The following EXOC6B variants were observed in gnomAD, a reference collection of about 807,000 sequenced individuals.
EXOC6B encodes exocyst complex component 6B.
Under a neutral mutation model 113.5 loss-of-function variants are expected in EXOC6B, and 54 were observed. The ratio of observed to expected loss-of-function variants is 0.48; its 90% CI spans 0.38 to 0.60. EXOC6B has a LOEUF of 0.60. Ranked by LOEUF, EXOC6B falls within the 20% of genes least tolerant of loss-of-function variation. The probability of loss-of-function intolerance (pLI) is 0.00; values close to 1 mark genes in which losing one functional copy is unlikely to be tolerated. For missense variants in EXOC6B, 797 were observed against 977.5 expected, an observed-to-expected ratio of 0.82 and a Z score of 2.46; for synonymous variants, 357 against 339.0, an observed-to-expected ratio of 1.05 and a Z score of -0.58.
chr2:72,690,370 A>T (rs1383351434), intron 6 of EXOC6B, among the ~76,000 whole-genome samples: 1 of 152,238 alleles, frequency 6.6e-6, no homozygotes. Context: ...CTTACTTTCT[A>T]AGGTAAACTA....
At chr2:72,444,476 T>C (rs1461278598) in intron 18 of EXOC6B, among the ~76,000 whole-genome samples, 2 of 152,180 alleles carry the variant, frequency 1.3e-5, no homozygotes, top group African/African-American at 4.8e-5. Context: ...GGACTCTGTG[T>C]GGGGACTCCC....
chr2:72,517,386 G>A (rs935083692), intron 8 of EXOC6B, among the ~76,000 whole-genome samples: 3 of 152,194 alleles, frequency 2.0e-5, no homozygotes, highest in Middle Eastern at 3.4e-3. Context: ...GTTGAACCCT[G>A]GTGTAGCTTA....
intron 20 of EXOC6B, among the ~76,000 whole-genome samples, chr2:72,197,470 A>G (rs1679242717): frequency 6.6e-6 from 1 of 152,154 alleles, no homozygotes; most frequent in East Asian, 1.9e-4. Context: ...AGAGTACTGG[A>G]GTACTGACTC....
In EXOC6B at chr2:72,741,359, A is replaced by G. The variant is rs1558964897; in HGVS notation, c.224T>C (p.Phe75Ser). The G allele has an allele frequency of 6.2e-7, 1 of 1,613,684 alleles. No individual in the cohort carries two copies. Among genetic ancestry groups the G allele is most frequent in the Non-Finnish European group, 8.5e-7 (1 of 1,179,810 alleles). Residue 75 changes from phenylalanine (F) to serine (S), a missense_variant, in exon 2 of 22, where the codon TTT (phenylalanine) becomes TCT (serine). Transcript: ENST00000272427. Reference sequence around the variant, plus strand: ...CAGCAGTTCAGTTATAGAGTCCACAAAGCCCTGGTAATGAAAGTTGCACAT... The same window carrying G: ...CAGCAGTTCAGTTATAGAGTCCACAGAGCCCTGGTAATGAAAGTTGCACAT... ...EKMCNFHYQG[F>S]VDSITELLKV...
chr2:72,427,934 C>G (rs950429104), intron 18 of EXOC6B, among the ~76,000 whole-genome samples: 2 of 152,176 alleles, frequency 1.3e-5, no homozygotes, highest in Non-Finnish European at 2.9e-5. Context: ...GACAATGGGA[C>G]AACCAGCTGA....
chr2:72,723,269 G>T (rs1478125503), intron 5 of EXOC6B, among the ~76,000 whole-genome samples: 1 of 152,128 alleles, frequency 6.6e-6, no homozygotes, highest in Non-Finnish European at 1.5e-5. Flanking sequence ...TCTCATGCAG[G>T]CTCCTTAACA....
At chr2:72,529,187 G>T (rs1490387429) in intron 8 of EXOC6B, among the ~76,000 whole-genome samples, 1 of 152,080 alleles carries the variant, frequency 6.6e-6, no homozygotes, top group South Asian at 2.1e-4. Context: ...CGGGGTTTTG[G>T]CATGTTTTTT....
chr2:72,767,137 T>C (rs979689967), intron 1 of EXOC6B, among the ~76,000 whole-genome samples: 8 of 152,006 alleles, frequency 5.3e-5, no homozygotes, highest in Non-Finnish European at 1.0e-4. Context: ...TCAAAAAATA[T>C]TGGGTTTCCT....
At chr2:72,351,149 A>C (rs534322437) in intron 19 of EXOC6B, among the ~76,000 whole-genome samples, 1 of 152,292 alleles carries the variant, frequency 6.6e-6, no homozygotes, top group Admixed American at 6.5e-5. Flanking sequence ...AGGAGACCTG[A>C]AATTCTCCAG....
chr2:72,774,398 G>C (rs1683575314), intron 1 of EXOC6B, among the ~76,000 whole-genome samples: 1 of 152,190 alleles, frequency 6.6e-6, no homozygotes, highest in Non-Finnish European at 1.5e-5. Flanking sequence ...ATAAAAAATA[G>C]TGACAACATC....
At chr2:72,242,434 T>C (rs1229098764) in intron 20 of EXOC6B, among the ~76,000 whole-genome samples, 1 of 152,126 alleles carries the variant, frequency 6.6e-6, no homozygotes, top group African/African-American at 2.4e-5. Flanking sequence ...TATTTGAAAG[T>C]AAACCTGGAT....
chr2:72,802,477 A>AT (rs1685340938), intron 1 of EXOC6B, among the ~76,000 whole-genome samples: 1 of 152,160 alleles, frequency 6.6e-6, no homozygotes. Flanking sequence ...TATATCAAGT[A>AT]TAAATTGAAC....
chr2:72,677,497 T>C (rs562126893), intron 6 of EXOC6B, among the ~76,000 whole-genome samples: 2 of 152,272 alleles, frequency 1.3e-5, no homozygotes, highest in South Asian at 4.1e-4. Context: ...CCTCTACAGC[T>C]TCAGACACCA....
At chr2:72,260,010 C>A (rs768472233) in intron 20 of EXOC6B, among the ~76,000 whole-genome samples, 1 of 151,710 alleles carries the variant, frequency 6.6e-6, no homozygotes, top group Non-Finnish European at 1.5e-5. Context: ...TGTGATTGCG[C>A]CACTGTACTA....
intron 1 of EXOC6B, among the ~76,000 whole-genome samples, chr2:72,778,300 T>C (rs1311367213): frequency 1.3e-5 from 2 of 152,138 alleles, no homozygotes; most frequent in Admixed American, 6.5e-5. Flanking sequence ...TGGAAAAAGA[T>C]ATTCTAAGCA....
Position 72,793,442 on chromosome 2 carries a change from T to C in EXOC6B, c.113+32356A>G, listed in dbSNP as rs890866670. Among the ~76,000 whole-genome samples the C allele has an allele frequency of 5.3e-5, 8 of 152,126 alleles. No homozygotes were observed. In the South Asian group the frequency reaches 1.2e-3, roughly 24 times the overall value. On this transcript the variant is annotated intron_variant, in intron 1 of 21. Transcript: ENST00000272427. Reference sequence around the variant, plus strand: ...TACTATCATGCATTGGTTCCAAATATAAAACGCATAGAAAGGTAAAATGCT... The same window carrying C: ...TACTATCATGCATTGGTTCCAAATACAAAACGCATAGAAAGGTAAAATGCT...
chr2:72,738,180 C>T (rs1469040757), intron 2 of EXOC6B, among the ~76,000 whole-genome samples: 2 of 152,102 alleles, frequency 1.3e-5, no homozygotes, highest in African/African-American at 4.8e-5. Context: ...TCTATGAAGT[C>T]ATCAGAAATT....
chr2:72,624,165 G>A (rs1047386164), intron 6 of EXOC6B, among the ~76,000 whole-genome samples: 1 of 151,766 alleles, frequency 6.6e-6, no homozygotes, highest in Admixed American at 6.6e-5. Context: ...TTGAGACAGG[G>A]TCTTGCCCTG....
At chr2:72,515,690 G>C (rs976357706) in intron 8 of EXOC6B, 20 of 988,338 alleles carry the variant, frequency 2.0e-5, no homozygotes, top group Non-Finnish European at 2.2e-5. Flanking sequence ...TAGGGTTTCT[G>C]GGCTTAAAAT....
Sources: allele counts gnomAD v4.1 joint callset (sites outside exome capture counted in the v4.1 genomes callset), GRCh38; gene constraint gnomAD v4.1.1; transcripts MANE v1.5; gene names NCBI Gene and HGNC (gene_info 2026-07-23, HGNC 2026-07-21).